Variants in EPPK1 observed in about 807,000 individuals in gnomAD.
The protein encoded by EPPK1 is epiplakin 1.
For missense variants in EPPK1, 3,823 were observed against 3,673.3 expected (o/e 1.04, Z -1.05); for synonymous variants, 1,862 against 1,721.2 (o/e 1.08, Z -2.03).
In EPPK1 at chr8:143,869,703, T is replaced by C. The variant is rs1554660473; in HGVS notation, c.3551A>G (p.Gln1184Arg). 3 of 1,596,166 alleles carry C rather than the reference T, an allele frequency of 1.9e-6. No homozygotes were observed. The highest frequency in any genetic ancestry group is 2.6e-6 in the Non-Finnish European group (3 of 1,172,426). The change falls in exon 2 of 2, where the codon CAG becomes CGG. Residue 1184 changes from glutamine (Q) to arginine (R), a missense_variant. By Grantham distance (43) the Gln-to-Arg change is conservative. Transcript: ENST00000615648. Reference protein sequence around the residue: ...QLLASVQRWVQETKLLAQARV... With the variant: ...QLLASVQRWVRETKLLAQARV... ...GGCCTGGGCCAGGAGCTTGGTCTCC[T>C]GTACCCACCTCTGCACAGAGGCTAG...
At position 143,868,628 on chromosome 8, in the gene EPPK1, C is replaced by T. The variant is rs142520085; in HGVS notation, c.4626G>A (p.Lys1542=). Residue 1542 remains lysine, a synonymous_variant, in exon 2 of 2, where the codon AAG becomes AAA. Coordinates refer to ENST00000615648, the MANE Select transcript of EPPK1 (RefSeq NM_031308.4). ...TCCCCTGGCTCAGCTCGTCCAGCGT[C>T]TTCCTGCTGATCAGCTGCGCCCTGA... ...DLFRAQLISR[K]TLDELSQGTT... 7 of 1,596,682 alleles carry T rather than the reference C, an allele frequency of 4.4e-6. No individual in the cohort carries two copies. Among genetic ancestry groups the T allele is most frequent in the Non-Finnish European group, 6.0e-6 (7 of 1,172,430 alleles).
In EPPK1 at chr8:143,871,352, GAGCCCCTTGCATC is replaced by G; in HGVS notation, c.1889_1901del (p.Arg630ProfsTer35). On this transcript the variant is annotated frameshift_variant, in exon 2 of 2. Transcript: ENST00000615648. LOFTEE classifies it low-confidence loss of function (END_TRUNC). Reference sequence around the variant, plus strand: ...GGATGAGGGCAGTGCCGGGCCGGAGGAGCCCCTTGCATCGGGCCTCATAGATGCTCAGGCGTTC... The same window carrying G: ...GGATGAGGGCAGTGCCGGGCCGGAGGGGGCCTCATAGATGCTCAGGCGTTC... 6.2e-7 allele frequency: 1 copy of G among 1,610,190 alleles called. No individual in the cohort carries two copies. The highest frequency in any genetic ancestry group is 8.5e-7 in the Non-Finnish European group (1 of 1,178,954).
At chr8:143,873,707 C>T (rs1819426903) in intron 1 of EPPK1, among the ~76,000 whole-genome samples, 1 of 152,136 alleles carries the variant, frequency 6.6e-6, no homozygotes, top group Admixed American at 6.5e-5. Context: ...GCTGTGGCTC[C>T]ACCCACAGGG....
intron 1 of EPPK1, among the ~76,000 whole-genome samples, chr8:143,878,102 C>A (rs1036478920): frequency 6.6e-6 from 1 of 152,082 alleles, no homozygotes; most frequent in Non-Finnish European, 1.5e-5. Flanking sequence ...GGGAAAACCG[C>A]TGGGCCTGCG....
intron 1 of EPPK1, among the ~76,000 whole-genome samples, chr8:143,877,224 C>A (rs75141224): frequency 6.6e-5 from 10 of 152,238 alleles, no homozygotes; most frequent in African/African-American, 1.7e-4. Context: ...TGCCCCTTCC[C>A]TGGGCCCTGC....
chr8:143,873,524 C>T (rs560235696), intron 1 of EPPK1, among the ~76,000 whole-genome samples: 57 of 152,186 alleles, frequency 3.7e-4, no homozygotes, highest in Non-Finnish European at 7.5e-4. Context: ...ACCCAGGCGG[C>T]GCCGGGAGGC....
In EPPK1 at chr8:143,869,560, C is replaced by G; in HGVS notation, c.3694G>C (p.Val1232Leu). 9.0e-6 allele frequency: 14 copies of G among 1,559,114 alleles called. No individual in the cohort carries two copies. The highest frequency in any genetic ancestry group is 1.7e-4 in the Middle Eastern group (1 of 5,952). Residue 1232 changes from valine to leucine, a missense_variant, in exon 2 of 2, where the codon GTC becomes CTC. Transcript: ENST00000615648. ...LAQGTQSPAQVAEQPAVKACL... is the reference protein window; with the variant it reads ...LAQGTQSPAQLAEQPAVKACL... ...GCCTTCACCGCCGGCTGCTCGGCGACCTGGGCGGGCGACTGCGTGCCCTGA... is the reference window on the plus strand; with the variant it reads ...GCCTTCACCGCCGGCTGCTCGGCGAGCTGGGCGGGCGACTGCGTGCCCTGA...
upstream of EPPK1, among the ~76,000 whole-genome samples, chr8:143,878,936 G>A (rs1327860445): frequency 6.6e-6 from 1 of 152,104 alleles, no homozygotes; most frequent in Non-Finnish European, 1.5e-5. Context: ...AGGCCCCCCT[G>A]CCCCCATGAC....
In EPPK1 at chr8:143,871,841, T is replaced by C; in HGVS notation, c.1413A>G (p.Gly471=). Residue 471 remains glycine (G), a synonymous_variant, in exon 2 of 2, where the codon GGA becomes GGG. Transcript: ENST00000615648. ...TGLAFLPLSG[G]PRGGEPQGPP... ...GTCCCTGGGGCTCCCCTCCCCGGGG[T>C]CCCCCTGAGAGTGGCAGGAAGGCAA... 6.2e-7 allele frequency: 1 copy of C among 1,611,870 alleles called. No homozygotes were observed.
chr8:143,874,740 A>G (rs1554662132), intron 1 of EPPK1, among the ~76,000 whole-genome samples: 5 of 151,952 alleles, frequency 3.3e-5, no homozygotes, highest in African/African-American at 1.2e-4. Context: ...TCTCAGCACT[A>G]CGGGCCCCAG....
rs781891465 is a variant in EPPK1 at position 143,871,411 on chromosome 8, G to A, written c.1843C>T (p.Leu615=). 9 of 1,604,666 alleles carry A rather than the reference G, an allele frequency of 5.6e-6. No homozygotes were observed. Among genetic ancestry groups the A allele is most frequent in the Admixed American group, 1.7e-5 (1 of 58,968 alleles). Residue 615 remains leucine (L), a synonymous_variant, in exon 2 of 2, where the codon CTG becomes TTG. Coordinates refer to ENST00000615648, the MANE Select transcript of EPPK1 (RefSeq NM_031308.4). ...YLQGTGCIAG[L]LLPGSQERLS... is the part of the protein sequence containing the mutation. ...CGTTCCTGGGAGCCAGGGAGCAGCA[G>A]GCCAGCAATGCAGCCCGTACCCTGC...
At position 143,868,449 on chromosome 8, in the gene EPPK1, AG is replaced by A; in HGVS notation, c.4804del (p.Leu1602TrpfsTer22). On this transcript the variant is annotated frameshift_variant, in exon 2 of 2. Transcript: ENST00000615648. LOFTEE classifies it low-confidence loss of function (END_TRUNC). Reference sequence around the variant, plus strand: ...AGCTGCCTGTGCCTCCAGCAGCACCAGGGCTGTGCCAGGCCGCAGGATGTGC... The same window carrying A: ...AGCTGCCTGTGCCTCCAGCAGCACCAGGCTGTGCCAGGCCGCAGGATGTGC... Reference protein sequence around the residue: ...RRHILRPGTALVLLEAQAATG... With the variant: ...RRHILRPGTAXVLLEAQAATG... 1 of 1,612,510 alleles carries A rather than the reference AG, an allele frequency of 6.2e-7. No individual in the cohort carries two copies. Among genetic ancestry groups the A allele is most frequent in the South Asian group, 1.1e-5 (1 of 91,082 alleles).
rs888291739 is a variant in EPPK1, at chr8:143,869,683, G to A, written c.3571C>T (p.Gln1191Ter). 2 of 1,596,320 alleles carry A rather than the reference G, an allele frequency of 1.3e-6. No homozygotes were observed. Among genetic ancestry groups the A allele is most frequent in the Non-Finnish European group, 1.7e-6 (2 of 1,172,512 alleles). Residue 1191 changes from glutamine to a stop codon, truncating the protein, a stop_gained, in exon 2 of 2, where the codon CAG becomes TAG. Coordinates refer to ENST00000615648, the MANE Select transcript of EPPK1 (RefSeq NM_031308.4). LOFTEE classifies it low-confidence loss of function (END_TRUNC). ...GGGCCGGGCACCATGACGCGGGCCT[G>A]GGCCAGGAGCTTGGTCTCCTGTACC... ...RWVQETKLLA[Q>*]ARVMVPGPRG... is the part of the protein sequence containing the mutation.
At chr8:143,877,469 C>A (rs1156989059) in intron 1 of EPPK1, among the ~76,000 whole-genome samples, 1 of 152,156 alleles carries the variant, frequency 6.6e-6, no homozygotes, top group African/African-American at 2.4e-5. Context: ...GCACAAAGGG[C>A]CCCTCCTGTG....
rs372425341 is a variant in EPPK1 at position 143,871,670 on chromosome 8, G to A, written c.1584C>T (p.Ala528=). 37 of 1,602,686 alleles carry A rather than the reference G, an allele frequency of 2.3e-5. No individual in the cohort carries two copies. The highest frequency in any genetic ancestry group is 3.1e-5 in the Non-Finnish European group (36 of 1,176,474). The change falls in exon 2 of 2, where the codon GCC becomes GCT. Residue 528 remains alanine (A), a synonymous_variant. Coordinates refer to ENST00000615648, the MANE Select transcript of EPPK1 (RefSeq NM_031308.4). ...AISSEQRAML[A]QQYQEGTLSV... ...AGAGGGTCCCTTCCTGGTACTGCTGGGCCAGCATCGCCCTCTGCTCTGAGG... is the reference window on the plus strand; with the variant it reads ...AGAGGGTCCCTTCCTGGTACTGCTGAGCCAGCATCGCCCTCTGCTCTGAGG...
Position 143,867,161 on chromosome 8 carries a change from G to A in EPPK1, c.6093C>T (p.Tyr2031=). 2 of 1,612,832 alleles carry A rather than the reference G, an allele frequency of 1.2e-6. No individual in the cohort carries two copies. The highest frequency in any genetic ancestry group is 1.7e-6 in the Non-Finnish European group (2 of 1,179,754). Reference sequence around the variant, plus strand: ...TGTCCTTGTGCAGACAGCCCCGTCTGTAGGCTGTTTCCAGTGGGAGCCGGT... The same window carrying A: ...TGTCCTTGTGCAGACAGCCCCGTCTATAGGCTGTTTCCAGTGGGAGCCGGT... The part of the protein sequence containing the change: ...HHHRLPLETA[Y]RRGCLHKDIY... Residue 2031 remains tyrosine, a synonymous_variant, in exon 2 of 2, where the codon TAC becomes TAT. Transcript: ENST00000615648.
At position 143,871,560 on chromosome 8, in the gene EPPK1, TC is replaced by T; in HGVS notation, c.1693del (p.Asp565ThrfsTer3). ...TARVTFSGLR[D>X]TVTPGELLKA... The stretch of plus-strand genomic sequence containing the variant: ...CAGCAGCTCTCCTGGTGTCACGGTG[TC>T]CCTCAGCCCAGAAAAGGTGACCCTG... On this transcript the variant is annotated frameshift_variant, in exon 2 of 2. Transcript: ENST00000615648. LOFTEE classifies it low-confidence loss of function (END_TRUNC). 1 of 1,609,336 alleles carries T rather than the reference TC, an allele frequency of 6.2e-7. No homozygotes were observed.
At position 143,859,354 on chromosome 8, in the gene EPPK1, G is replaced by C. The variant is rs1818993115; in HGVS notation, c.13900C>G (p.Gln4634Glu). ...TCGGCCTCGGCCTCGGCCCGGGCCT[G>C]GGCCTGGGCCTGGGCCAGCAGCGAG... ...LTSLLAQAQA[Q>E]ARAEAEAEAG... Residue 4634 changes from glutamine to glutamate, a missense_variant, in exon 2 of 2, where the codon CAG becomes GAG. Gln to Glu is a conservative substitution (Grantham distance 29). Coordinates refer to ENST00000615648, the MANE Select transcript of EPPK1 (RefSeq NM_031308.4). The C allele has an allele frequency of 3.3e-6, 1 of 306,356 alleles. No individual in the cohort carries two copies. The highest frequency in any genetic ancestry group is 5.7e-6 in the Non-Finnish European group (1 of 176,848). The allele number at this position is 306,356 out of a possible 1,614,324, so 19.0% of individuals were successfully genotyped here. A position where few individuals can be genotyped will look rare whatever the true frequency, so the allele number is the denominator to read the frequency against.
Position 143,866,948 on chromosome 8 carries a change from G to A in EPPK1, c.6306C>T (p.Ala2102=), listed in dbSNP as rs782357750. The part of the protein sequence containing the change: ...SEHIDDETRR[A]LEAEQVEITV... ...TGATTTCCACTTGCTCTGCCTCCAG[G>A]GCCCTTCTCGTCTCGTCATCGATGT... Residue 2102 remains alanine (A), a synonymous_variant, in exon 2 of 2, where the codon GCC becomes GCT. Coordinates refer to ENST00000615648, the MANE Select transcript of EPPK1 (RefSeq NM_031308.4). 5 of 1,612,754 alleles carry A rather than the reference G, an allele frequency of 3.1e-6. No homozygotes were observed. The South Asian group carries it at 5.5e-5, about 18-fold the overall frequency.
Sources: allele counts gnomAD v4.1 joint callset (sites outside exome capture counted in the v4.1 genomes callset), GRCh38; gene constraint gnomAD v4.1.1; transcripts MANE v1.5; gene names NCBI Gene and HGNC (gene_info 2026-07-23, HGNC 2026-07-21).